Variants in SYN3 observed in about 807,000 individuals in gnomAD.
The protein encoded by SYN3 is synapsin-3.
In SYN3, 35 loss-of-function variants were observed where a neutral mutation model predicts 65.8. The ratio of observed to expected loss-of-function variants is 0.53; its 90% CI spans 0.41 to 0.70. SYN3 has a LOEUF of 0.70. SYN3 is among the 30% of genes least tolerant of loss of function. The pLI is 0.00. For missense variants in SYN3, 680 were observed against 749.0 expected, an observed-to-expected ratio of 0.91 and a Z score of 1.08; for synonymous variants, 270 against 292.9, an observed-to-expected ratio of 0.92 and a Z score of 0.80.
At chr22:32,955,178 G>A (rs2051414454) in intron 3 of SYN3, among the ~76,000 whole-genome samples, 1 of 151,954 alleles carries the variant, frequency 6.6e-6, no homozygotes, top group African/African-American at 2.4e-5. Flanking sequence ...CCTACTACTG[G>A]GACCTCCAAG....
chr22:32,548,534 G>C (rs956778074), intron 7 of SYN3, among the ~76,000 whole-genome samples: 5 of 151,866 alleles, frequency 3.3e-5, no homozygotes, highest in African/African-American at 1.2e-4. Context: ...CACCATGCCC[G>C]GCTAATTTTT....
At chr22:32,516,839 G>C (rs2057786711) in intron 13 of SYN3, among the ~76,000 whole-genome samples, 1 of 152,054 alleles carries the variant, frequency 6.6e-6, no homozygotes, top group Non-Finnish European at 1.5e-5. Context: ...GTACAATGGG[G>C]ATAAGAAATA....
In SYN3 at chr22:32,943,065, G is replaced by A. The variant is rs538576451; in HGVS notation, c.370-11584C>T. Among the ~76,000 whole-genome samples, 10 of 152,270 alleles carry A rather than the reference G, an allele frequency of 6.6e-5. No homozygotes were observed. The South Asian group carries it at 2.1e-3, about 32-fold the overall frequency. ...GAACTTCCCAAACCTAGCAAGGCAG[G>A]CCAACATTCAAATTCAGGAAATACA... is the stretch of plus-strand genomic sequence containing the variant. On this transcript the variant is annotated intron_variant, in intron 3 of 13. Coordinates refer to ENST00000358763, the MANE Select transcript of SYN3 (RefSeq NM_003490.4).
chr22:32,903,483 C>A (rs2049819280), intron 4 of SYN3, among the ~76,000 whole-genome samples: 1 of 152,176 alleles, frequency 6.6e-6, no homozygotes, highest in Non-Finnish European at 1.5e-5. Flanking sequence ...GGGCCTTTTC[C>A]TCCTCCTTCT....
chr22:32,716,835 T>C (rs537167506), intron 6 of SYN3, among the ~76,000 whole-genome samples: 1 of 152,294 alleles, frequency 6.6e-6, no homozygotes, highest in Admixed American at 6.5e-5. Context: ...ACCTTTTTTT[T>C]AAAGTGTGGT....
At chr22:32,897,822 ATATTT>A (rs1455230930) in intron 4 of SYN3, among the ~76,000 whole-genome samples, 2 of 152,142 alleles carry the variant, frequency 1.3e-5, no homozygotes, top group African/African-American at 4.8e-5. Flanking sequence ...CTTTTTATAT[ATATTT>A]TTTTATTTTA....
chr22:32,575,729 A>G (rs2146456050), intron 7 of SYN3, among the ~76,000 whole-genome samples: 1 of 152,336 alleles, frequency 6.6e-6, no homozygotes, highest in East Asian at 1.9e-4. Context: ...AGGCAGCCCA[A>G]GAGGCGCTGC....
chr22:33,030,153 C>G (rs2053723249), intron 1 of SYN3, among the ~76,000 whole-genome samples: 1 of 152,166 alleles, frequency 6.6e-6, no homozygotes, highest in South Asian at 2.1e-4. Context: ...TTGGAGGCAG[C>G]AGCAGGCAGG....
chr22:32,605,388 T>G (rs1203720717), intron 6 of SYN3, among the ~76,000 whole-genome samples: 3 of 152,084 alleles, frequency 2.0e-5, no homozygotes, highest in African/African-American at 4.8e-5. Context: ...AGGGTTTGGA[T>G]GCAGTGGGGT....
intron 1 of SYN3, among the ~76,000 whole-genome samples, chr22:33,031,231 C>T (rs768158366): frequency 6.6e-6 from 1 of 152,142 alleles, no homozygotes; most frequent in Non-Finnish European, 1.5e-5. Flanking sequence ...GTGTCTGAAA[C>T]TCATCACATC....
chr22:32,622,193 A>G (rs938923968), intron 6 of SYN3, among the ~76,000 whole-genome samples: 20 of 151,978 alleles, frequency 1.3e-4, no homozygotes, highest in Non-Finnish European at 2.5e-4. Context: ...TGGAGAATGC[A>G]CAAAGGCCCC....
intron 3 of SYN3, among the ~76,000 whole-genome samples, chr22:32,963,895 C>T (rs1002693125): frequency 2.6e-5 from 4 of 152,276 alleles, no homozygotes; most frequent in African/African-American, 7.2e-5. Flanking sequence ...CCAATGAATG[C>T]AAAGTTTGGG....
chr22:32,868,543 C>T (rs1428780643), intron 5 of SYN3, among the ~76,000 whole-genome samples: 2 of 151,942 alleles, frequency 1.3e-5, no homozygotes, highest in East Asian at 1.9e-4. Context: ...CGGGTTCAAG[C>T]GATTCTCCTG....
At chr22:32,776,331 C>T (rs545232232) in intron 6 of SYN3, among the ~76,000 whole-genome samples, 1 of 152,112 alleles carries the variant, frequency 6.6e-6, no homozygotes, top group Non-Finnish European at 1.5e-5. Context: ...TTTGTTATGG[C>T]AGCCCAAGGA....
At chr22:32,685,978 A>T (rs1328248407) in intron 6 of SYN3, among the ~76,000 whole-genome samples, 2 of 152,230 alleles carry the variant, frequency 1.3e-5, no homozygotes, top group African/African-American at 4.8e-5. Flanking sequence ...GTCATTAAAA[A>T]ACACATTTAA....
chr22:32,940,660 C>A (rs145042753), intron 3 of SYN3, among the ~76,000 whole-genome samples: 43 of 152,276 alleles, frequency 2.8e-4, no homozygotes, highest in African/African-American at 9.9e-4. Context: ...CTTTGCCAAC[C>A]ACCAAGTCAC....
intron 7 of SYN3, among the ~76,000 whole-genome samples, chr22:32,559,996 T>A (rs1206748490): frequency 1.3e-5 from 2 of 152,238 alleles, no homozygotes; most frequent in African/African-American, 4.8e-5. Context: ...AACACGTGAC[T>A]GGGAAGGGCA....
chr22:32,666,042 C>A (rs575325519), intron 6 of SYN3, among the ~76,000 whole-genome samples: 1 of 152,146 alleles, frequency 6.6e-6, no homozygotes, highest in African/African-American at 2.4e-5. Flanking sequence ...CAAAACCCTG[C>A]GGCTCTCTCG....
At chr22:32,726,354 G>C (rs546182622) in intron 6 of SYN3, among the ~76,000 whole-genome samples, 1 of 152,288 alleles carries the variant, frequency 6.6e-6, no homozygotes, top group African/African-American at 2.4e-5. Context: ...TGTTGGCCAG[G>C]ATGTTCTTGA....
Sources: allele counts gnomAD v4.1 joint callset (sites outside exome capture counted in the v4.1 genomes callset), GRCh38; gene constraint gnomAD v4.1.1; transcripts MANE v1.5; gene names NCBI Gene and HGNC (gene_info 2026-07-23, HGNC 2026-07-21).